The following ZNF280C variants were observed in gnomAD, a reference collection of about 807,000 sequenced individuals.
The protein encoded by ZNF280C is zinc finger protein 280C, also known as suppressor of hairy wing homolog 3.
Under a neutral mutation model 53.6 loss-of-function variants are expected in ZNF280C, and 14 were observed. The ratio of observed to expected loss-of-function variants is 0.26; its 90% CI spans 0.17 to 0.41. The LOEUF (loss-of-function observed/expected upper bound fraction) is 0.41, where lower values mean the gene tolerates loss of function less well. ZNF280C is among the 10% of genes least tolerant of loss of function. The pLI is 1.00. For synonymous variants in ZNF280C, 203 were observed against 181.1 expected (o/e 1.12, Z -0.97); for missense variants, 416 against 547.1 (o/e 0.76, Z 2.39).
At chrX:130,213,468 G>C (rs930114587) in intron 15 of ZNF280C, among the ~76,000 whole-genome samples, 1 of 112,325 alleles carries the variant, frequency 8.9e-6, no homozygotes, top group African/African-American at 3.2e-5. Flanking sequence ...AATCAAGCAT[G>C]GTGTGGTAGT....
chrX:130,239,706 A>G lies in ZNF280C; in HGVS notation c.382-13T>C, dbSNP rs781547242. 82 of 1,028,674 alleles carry G rather than the reference A, an allele frequency of 8.0e-5. 2 individuals carry two copies. The South Asian group carries it at 1.5e-3, about 19-fold the overall frequency. The allele number at this position is 1,028,674 out of a possible 1,213,427, so 84.8% of individuals were successfully genotyped here. A position where few individuals can be genotyped will look rare whatever the true frequency, so the allele number is the denominator to read the frequency against. On this transcript the variant is annotated splice_polypyrimidine_tract_variant and intron_variant, in intron 5 of 18. Transcript: ENST00000370978. ...TCTTTGTAAAATCCTGTAAAAATTT[A>G]TAATTATTTTGTTTCATAAACTTTT...
At chrX:130,261,912 T>C (rs1444637668) in intron 1 of ZNF280C, among the ~76,000 whole-genome samples, 1 of 111,338 alleles carries the variant, frequency 9.0e-6, no homozygotes. Context: ...ACCACAGCCT[T>C]GAACTCTTGG....
intron 8 of ZNF280C, among the ~76,000 whole-genome samples, chrX:130,231,573 T>TGGGA (rs767512419): frequency 1.8e-5 from 2 of 111,049 alleles, no homozygotes; most frequent in Non-Finnish European, 3.8e-5. Context: ...CTCCAAAAGT[T>TGGGA]GGGAGGGAGG....
rs370617230 is a variant in ZNF280C at position 130,254,077 on chromosome X, C to G, written c.31+6342G>C. 1.3e-3 allele frequency among the ~76,000 whole-genome samples: 143 copies of G among 111,858 alleles called. 1 individual carries two copies. Among genetic ancestry groups the G allele is most frequent in the South Asian group, 0.012 (32 of 2,689 alleles). On this transcript the variant is annotated intron_variant, in intron 2 of 18. Coordinates refer to ENST00000370978, the MANE Select transcript of ZNF280C (RefSeq NM_017666.5). The stretch of plus-strand genomic sequence containing the variant: ...AAATTTACAAGAAAAAAGCAAACAA[C>G]CCCATTGAAAAGTTGGCAGTGGATG...
rs192441936 is a variant in ZNF280C, at chrX:130,258,652, T to C, written c.31+1767A>G. 3.9e-3 allele frequency among the ~76,000 whole-genome samples: 439 copies of C among 112,342 alleles called. 1 individual carries two copies. Among genetic ancestry groups the C allele is most frequent in the African/African-American group, 0.014 (419 of 30,998 alleles). ...ACATAGAATGTTGTAAGTCAGACAA[T>C]TAAAAGTATTAATTCATATTTCAGT... On this transcript the variant is annotated intron_variant, in intron 2 of 18. Transcript: ENST00000370978.
intron 1 of ZNF280C, among the ~76,000 whole-genome samples, chrX:130,261,336 T>A (rs914130678): frequency 8.9e-6 from 1 of 112,343 alleles, no homozygotes; most frequent in Non-Finnish European, 1.9e-5. Flanking sequence ...GAATAAACTT[T>A]TAAAATACTA....
At chrX:130,237,104 G>C (rs1167625878) in intron 6 of ZNF280C, among the ~76,000 whole-genome samples, 2 of 111,794 alleles carry the variant, frequency 1.8e-5, no homozygotes, top group Non-Finnish European at 1.9e-5. Flanking sequence ...CAAACGTTTA[G>C]AGAAACATTT....
At chrX:130,239,727 CT>C in intron 5 of ZNF280C, 34 bp from the exon 6 acceptor site, 1 of 856,948 alleles carries the variant, frequency 1.2e-6, no homozygotes, top group Non-Finnish European at 1.7e-6. Context: ...GTTTCATAAA[CT>C]TTTATAGAGA....
In ZNF280C at chrX:130,209,683, C is replaced by T. The variant is rs757514412; in HGVS notation, c.2012G>A (p.Cys671Tyr). ...SHSNHPGKRF[C>Y]IFKKHSGTLR... is the part of the protein sequence containing the mutation. ...AGTTCCTGAATGCTTCTTGAAAATACAAAACCGTTTACCTGGATGGTTGCT... is the reference window on the plus strand; with the variant it reads ...AGTTCCTGAATGCTTCTTGAAAATATAAAACCGTTTACCTGGATGGTTGCT... Residue 671 changes from cysteine to tyrosine, a missense_variant, in exon 16 of 19, where the codon TGT (cysteine) becomes TAT (tyrosine). Cys to Tyr is a radical substitution (Grantham distance 194, BLOSUM62 -2). Transcript: ENST00000370978. 3 of 1,205,104 alleles carry T rather than the reference C, an allele frequency of 2.5e-6. No individual in the cohort carries two copies. The highest frequency in any genetic ancestry group is 4.4e-5 in the Admixed American group (2 of 45,302).
chrX:130,265,894 T>C (rs1214960409), intron 1 of ZNF280C, among the ~76,000 whole-genome samples: 2 of 112,299 alleles, frequency 1.8e-5, no homozygotes, highest in African/African-American at 6.5e-5. Flanking sequence ...CTAGTTCACA[T>C]GAAGAGCTCA....
At chrX:130,219,796 C>T (rs2032144173) in intron 13 of ZNF280C, among the ~76,000 whole-genome samples, 1 of 110,241 alleles carries the variant, frequency 9.1e-6, no homozygotes, top group South Asian at 3.8e-4. Flanking sequence ...AGCTCAAAAA[C>T]AGCCTACAGA....
In ZNF280C at chrX:130,256,597, G is replaced by A. The variant is rs754933078; in HGVS notation, c.31+3822C>T. 7.0e-3 allele frequency among the ~76,000 whole-genome samples: 752 copies of A among 108,066 alleles called. 11 individuals are homozygous for A. The highest frequency in any genetic ancestry group is 0.024 in the African/African-American group (711 of 29,573). The allele number at this position is 108,066 out of a possible 115,157, so 93.8% of individuals were successfully genotyped here. A position where few individuals can be genotyped will look rare whatever the true frequency, so the allele number is the denominator to read the frequency against. ...GGGAGACTCCATCTCAAGAAAAAAA[G>A]GGGACAAAGAAGTGGGGGGGCGCGG... On this transcript the variant is annotated intron_variant, in intron 2 of 18. Coordinates refer to ENST00000370978, the MANE Select transcript of ZNF280C (RefSeq NM_017666.5).
chrX:130,227,498 C>G (rs2032232327), intron 11 of ZNF280C, among the ~76,000 whole-genome samples, 184 bp downstream of exon 11: 1 of 111,923 alleles, frequency 8.9e-6, no homozygotes, highest in African/African-American at 3.2e-5. Flanking sequence ...AAAATCTACT[C>G]CACCCCTTTA....
chrX:130,261,026 TTA>T (rs2032625150), intron 1 of ZNF280C, among the ~76,000 whole-genome samples: 1 of 112,377 alleles, frequency 8.9e-6, no homozygotes, highest in Non-Finnish European at 1.9e-5. Flanking sequence ...TTAGATATTT[TTA>T]GTTTTTTGAA....
chrX:130,229,154 A>G lies in ZNF280C; in HGVS notation c.990-20T>C. 1 of 1,175,295 alleles carries G rather than the reference A, an allele frequency of 8.5e-7. No individual in the cohort carries two copies. Among genetic ancestry groups the G allele is most frequent in the Non-Finnish European group, 1.1e-6 (1 of 873,638 alleles). On this transcript the variant is annotated intron_variant, in intron 9 of 18. Transcript: ENST00000370978. ...ATAAACCTACAAACAATTTGCCAGT[A>G]AGAGCAAAAATTCAGACTTATAACC...
chrX:130,221,623 T>TA (rs2032164855), intron 12 of ZNF280C, among the ~76,000 whole-genome samples: 1 of 111,313 alleles, frequency 9.0e-6, no homozygotes, highest in Admixed American at 9.5e-5. Context: ...TGGTCACTCT[T>TA]AACTCTTCTC....
intron 12 of ZNF280C, among the ~76,000 whole-genome samples, chrX:130,224,116 G>A (rs887348933): frequency 4.5e-5 from 5 of 111,843 alleles, no homozygotes; most frequent in Non-Finnish European, 9.4e-5. Flanking sequence ...AATTTTCAAT[G>A]TAATAGTATT....
In ZNF280C at chrX:130,217,527, C is replaced by A. The variant is rs148081981; in HGVS notation, c.1528-1426G>T. Among the ~76,000 whole-genome samples, 949 of 111,637 alleles carry A rather than the reference C, an allele frequency of 8.5e-3. 12 individuals carry two copies. Among genetic ancestry groups the A allele is most frequent in the African/African-American group, 0.029 (891 of 30,725 alleles). ...TTAAAATTTATTGTAGTGATGTTTGCCCAAATCTGAATATACTAAAAACCA... is the reference window on the plus strand; with the variant it reads ...TTAAAATTTATTGTAGTGATGTTTGACCAAATCTGAATATACTAAAAACCA... On this transcript the variant is annotated intron_variant, in intron 13 of 18. Transcript: ENST00000370978.
intron 8 of ZNF280C, among the ~76,000 whole-genome samples, chrX:130,231,453 A>G (rs2032275537): frequency 8.9e-6 from 1 of 111,999 alleles, no homozygotes; most frequent in Admixed American, 9.5e-5. Context: ...ATGAATTAAC[A>G]CAGAAACAAA....
Sources: gnomAD v4.1 joint callset for allele counts (sites outside exome capture counted in the v4.1 genomes callset) on GRCh38, gnomAD v4.1.1 for gene constraint, MANE v1.5 for transcripts, NCBI Gene and HGNC (gene_info 2026-07-23, HGNC 2026-07-21) for gene names.